TAOK1: variants seen among roughly 807,000 people sequenced by gnomAD.
TAOK1 encodes TAO kinase 1, also known as serine/threonine-protein kinase TAO1.
Under a neutral mutation model 138.3 loss-of-function variants are expected in TAOK1, and 21 were observed. The observed-to-expected ratio is 0.15, with a 90% CI of 0.11 to 0.22. TAOK1 has a LOEUF of 0.22. TAOK1 is among the 10% of genes least tolerant of loss of function. TAOK1 has a pLI of 1.00. For synonymous variants in TAOK1, 361 were observed against 398.4 expected (o/e 0.91, Z 1.12); for missense variants, 651 against 1,227.7 (o/e 0.53, Z 7.02).
chr17:29,489,813 A>G (rs537949712), intron 9 of TAOK1, 56 bp downstream of exon 9: 1 of 1,260,778 alleles, frequency 7.9e-7, no homozygotes, highest in South Asian at 1.5e-5. Context: ...ATGCTTTTTC[A>G]TAATCTGTTA....
intron 1 of TAOK1, among the ~76,000 whole-genome samples, chr17:29,443,085 T>G (rs1234438040): frequency 2.0e-5 from 3 of 152,188 alleles, no homozygotes; most frequent in Admixed American, 6.5e-5. Context: ...GCAATTTTCT[T>G]TCTCTAAAGG....
At chr17:29,489,581 T>TA (rs769082859) in intron 8 of TAOK1, 83 bp from the exon 9 acceptor site, 42,706 of 663,194 alleles carry the variant, frequency 0.064, 184 homozygotes, top group Middle Eastern at 0.089. Context: ...TAAAATCATT[T>TA]AAAAAAAAAA....
intron 14 of TAOK1, among the ~76,000 whole-genome samples, chr17:29,510,574 G>A (rs991379460): frequency 6.6e-6 from 1 of 152,104 alleles, no homozygotes; most frequent in Non-Finnish European, 1.5e-5. Flanking sequence ...GAGGGATTGA[G>A]GGTTGGGAGG....
intron 1 of TAOK1, among the ~76,000 whole-genome samples, chr17:29,441,855 C>T (rs1337330013): frequency 6.6e-6 from 1 of 151,546 alleles, no homozygotes; most frequent in Non-Finnish European, 1.5e-5. Flanking sequence ...CCAAGGTCGC[C>T]GCCTCTGCAC....
chr17:29,392,331 A>G (rs889807706), intron 1 of TAOK1, among the ~76,000 whole-genome samples: 3 of 152,018 alleles, frequency 2.0e-5, no homozygotes, highest in Admixed American at 2.0e-4. Context: ...TTGAAATTGG[A>G]TTTTTTTTAA....
intron 2 of TAOK1, among the ~76,000 whole-genome samples, chr17:29,463,537 C>T (rs1436560259): frequency 1.3e-5 from 2 of 150,738 alleles, no homozygotes; most frequent in African/African-American, 4.9e-5. Context: ...CGCCACCGCA[C>T]TCCAGCCTGG....
chr17:29,468,792 A>G (rs1381672425), intron 3 of TAOK1, among the ~76,000 whole-genome samples: 1 of 150,594 alleles, frequency 6.6e-6, no homozygotes, highest in Non-Finnish European at 1.5e-5. Context: ...CAAGCAATCC[A>G]CCTGCCTTGG....
chr17:29,463,053 A>G (rs1353298914), intron 2 of TAOK1, among the ~76,000 whole-genome samples: 1 of 152,114 alleles, frequency 6.6e-6, no homozygotes, highest in Non-Finnish European at 1.5e-5. Context: ...CTACTAGAAC[A>G]TTCCATCTTT....
At chr17:29,459,407 G>A (rs2030478165) in intron 2 of TAOK1, among the ~76,000 whole-genome samples, 2 of 151,892 alleles carry the variant, frequency 1.3e-5, no homozygotes, top group Admixed American at 6.6e-5. Flanking sequence ...TCAGCCTCCC[G>A]AGTAGCTGAG....
chr17:29,526,923 T>C (rs1390495845), intron 17 of TAOK1, among the ~76,000 whole-genome samples: 1 of 149,602 alleles, frequency 6.7e-6, no homozygotes, highest in Non-Finnish European at 1.5e-5. Flanking sequence ...GGTCAGGAGA[T>C]TGAGACCATC....
At chr17:29,424,065 A>T (rs78108789) in intron 1 of TAOK1, among the ~76,000 whole-genome samples, 1 of 137,506 alleles carries the variant, frequency 7.3e-6, no homozygotes, top group Non-Finnish European at 1.6e-5. Flanking sequence ...AAAAAAAAAA[A>T]AGCAAACTTG....
At chr17:29,527,388 C>T (rs1266403240) in intron 17 of TAOK1, among the ~76,000 whole-genome samples, 1 of 152,144 alleles carries the variant, frequency 6.6e-6, no homozygotes, top group Non-Finnish European at 1.5e-5. Flanking sequence ...TTGCTTGAGC[C>T]TGGGAGGTCA....
chr17:29,447,486 A>G (rs577953610), intron 1 of TAOK1, among the ~76,000 whole-genome samples: 1 of 151,664 alleles, frequency 6.6e-6, no homozygotes, highest in East Asian at 2.0e-4. Flanking sequence ...ATGCACTACT[A>G]TACCTGGCTA....
rs869195465 is a variant in TAOK1 at position 29,409,333 on chromosome 17, A to ATTT, written c.-95+18326_-95+18328dup. Among the ~76,000 whole-genome samples the ATTT allele has an allele frequency of 2.9e-3, 169 of 59,024 alleles. 6 individuals are homozygous for ATTT. The highest frequency in any genetic ancestry group is 6.2e-3 in the African/African-American group (93 of 15,026). 38.7% of individuals were successfully genotyped at this position (59,024 alleles called of 152,430 possible). A position where few individuals can be genotyped will look rare whatever the true frequency, so the allele number is the denominator to read the frequency against. ...CATATATATATATATATATATATAT[A>ATTT]TTTTTTTTTTTTTTTTTTTGAGATG... On this transcript the variant is annotated intron_variant, in intron 1 of 19. Coordinates refer to ENST00000261716, the MANE Select transcript of TAOK1 (RefSeq NM_020791.4).
intron 15 of TAOK1, among the ~76,000 whole-genome samples, chr17:29,516,145 GA>G (rs1470839280): frequency 6.6e-6 from 1 of 150,994 alleles, no homozygotes; most frequent in East Asian, 2.0e-4. Context: ...ATTTTTAGTA[GA>G]GATAGGGTTT....
chr17:29,447,669 T>G (rs550821430), intron 1 of TAOK1, among the ~76,000 whole-genome samples: 1 of 151,280 alleles, frequency 6.6e-6, no homozygotes, highest in Non-Finnish European at 1.5e-5. Flanking sequence ...ATTTTTTTTT[T>G]TTTTTGAGAC....
Position 29,467,404 on chromosome 17 carries a change from G to C in TAOK1, c.204+188G>C, listed in dbSNP as rs535552541. Among the ~76,000 whole-genome samples the C allele has an allele frequency of 9.9e-5, 15 of 152,130 alleles. No homozygotes were observed. The South Asian group carries it at 2.9e-3, about 29-fold the overall frequency. Reference sequence around the variant, plus strand: ...TTCTCCTGCCTCAGCCTCCCGAGTAGCTGGGACTACAGGCACCCGCCACCA... The same window carrying C: ...TTCTCCTGCCTCAGCCTCCCGAGTACCTGGGACTACAGGCACCCGCCACCA... On this transcript the variant is annotated intron_variant, in intron 3 of 19. Transcript: ENST00000261716.
At chr17:29,465,923 T>G (rs1185571775) in intron 2 of TAOK1, among the ~76,000 whole-genome samples, 1 of 145,504 alleles carries the variant, frequency 6.9e-6, no homozygotes, top group Non-Finnish European at 1.5e-5. Context: ...GAGTCTGGTC[T>G]TGATCCTGAT....
chr17:29,408,125 T>G (rs1905045780), intron 1 of TAOK1, among the ~76,000 whole-genome samples: 1 of 151,518 alleles, frequency 6.6e-6, no homozygotes, highest in Non-Finnish European at 1.5e-5. Context: ...CCATATTGCC[T>G]AGGCTGGTCT....
Sources: allele counts gnomAD v4.1 joint callset (sites outside exome capture counted in the v4.1 genomes callset), GRCh38; gene constraint gnomAD v4.1.1; transcripts MANE v1.5; gene names NCBI Gene and HGNC (gene_info 2026-07-23, HGNC 2026-07-21).